The following TMEM132B variants were observed in gnomAD, a reference collection of about 807,000 sequenced individuals.
The protein encoded by TMEM132B is transmembrane protein 132B.
TMEM132B carries 18 observed loss-of-function variants against 90.8 expected under a neutral mutation model. The ratio of observed to expected loss-of-function variants is 0.20; its 90% CI spans 0.14 to 0.29. TMEM132B has a LOEUF of 0.29. Ranked by LOEUF, TMEM132B falls within the 10% of genes least tolerant of loss-of-function variation. The pLI, the probability that TMEM132B is intolerant of heterozygous loss-of-function variation, is 1.00. For synonymous variants in TMEM132B, 504 were observed against 523.3 expected, an observed-to-expected ratio of 0.96 and a Z score of 0.50; for missense variants, 1,096 against 1,326.8, an observed-to-expected ratio of 0.83 and a Z score of 2.70.
chr12:125,219,553 C>T (rs541536986), intron 1 of TMEM132B, among the ~76,000 whole-genome samples: 22 of 152,252 alleles, frequency 1.4e-4, no homozygotes, highest in African/African-American at 4.3e-4. Flanking sequence ...CTCTTCACAC[C>T]TCTGTTGTGT....
At chr12:125,363,423 T>C (rs927793198) in intron 2 of TMEM132B, among the ~76,000 whole-genome samples, 1 of 152,156 alleles carries the variant, frequency 6.6e-6, no homozygotes, top group African/African-American at 2.4e-5. Context: ...TTGCATGATG[T>C]TTCCCAGGCT....
intron 2 of TMEM132B, among the ~76,000 whole-genome samples, chr12:125,361,697 A>G (rs1453626274): frequency 6.6e-6 from 1 of 152,200 alleles, no homozygotes; most frequent in East Asian, 1.9e-4. Flanking sequence ...AGCTGACACT[A>G]GTTCCAAATG....
At chr12:125,643,236 C>T (rs1299997788) in intron 5 of TMEM132B, among the ~76,000 whole-genome samples, 1 of 152,202 alleles carries the variant, frequency 6.6e-6, no homozygotes, top group African/African-American at 2.4e-5. Flanking sequence ...AGGCTTGACA[C>T]TGCCCCTCAG....
At chr12:125,389,268 CATGAAGAA>C (rs1434362447) in intron 2 of TMEM132B, among the ~76,000 whole-genome samples, 1 of 152,048 alleles carries the variant, frequency 6.6e-6, no homozygotes, top group Non-Finnish European at 1.5e-5. Context: ...CATAATGGGA[CATGAAGAA>C]TATTTTAGAT....
intron 1 of TMEM132B, among the ~76,000 whole-genome samples, chr12:125,201,059 A>G (rs1411904492): frequency 6.8e-6 from 1 of 147,008 alleles, no homozygotes; most frequent in African/African-American, 2.4e-5. Context: ...TTTATGATGG[A>G]AATTTTATTT....
intron 1 of TMEM132B, among the ~76,000 whole-genome samples, chr12:125,292,289 G>A (rs1337482211): frequency 6.6e-6 from 1 of 152,062 alleles, no homozygotes; most frequent in African/African-American, 2.4e-5. Context: ...TTTTAAAATT[G>A]CAGTGACAGA....
intron 5 of TMEM132B, among the ~76,000 whole-genome samples, chr12:125,612,452 G>A (rs369057146): frequency 2.0e-5 from 3 of 151,042 alleles, no homozygotes; most frequent in Admixed American, 1.3e-4. Flanking sequence ...GCACCAGAGC[G>A]AGACTCCATA....
chr12:125,621,683 T>A (rs764667135), intron 5 of TMEM132B, among the ~76,000 whole-genome samples: 3 of 152,164 alleles, frequency 2.0e-5, no homozygotes, highest in Non-Finnish European at 2.9e-5. Context: ...TGATTTGCAT[T>A]GGCCAGCAAG....
intron 5 of TMEM132B, among the ~76,000 whole-genome samples, chr12:125,607,709 T>C (rs1050360399): frequency 6.6e-6 from 1 of 152,170 alleles, no homozygotes; most frequent in Non-Finnish European, 1.5e-5. Flanking sequence ...TTTAAGAATA[T>C]TTTCATCACC....
At position 125,235,663 on chromosome 12, in the gene TMEM132B, T is replaced by C. The variant is rs4255586; in HGVS notation, c.67+48797T>C. Among the ~76,000 whole-genome samples, 297 of 152,208 alleles carry C rather than the reference T, an allele frequency of 2.0e-3. No individual in the cohort carries two copies. In the Middle Eastern group the frequency reaches 0.02, roughly 10 times the overall value. On this transcript the variant is annotated intron_variant, in intron 1 of 8. Coordinates refer to ENST00000682704, the MANE Select transcript of TMEM132B (RefSeq NM_001366854.1). ...CCAGCAATCACTGATCCGCTCTCTG[T>C]CTTTATGGATTGGCCAAGTTTGGGT...
intron 1 of TMEM132B, among the ~76,000 whole-genome samples, chr12:125,245,428 T>C (rs1264391551): frequency 8.0e-6 from 1 of 125,764 alleles, no homozygotes; most frequent in Non-Finnish European, 1.6e-5. Flanking sequence ...AGGTAAGAAC[T>C]GTTGGGATCA....
intron 4 of TMEM132B, among the ~76,000 whole-genome samples, chr12:125,579,244 G>C (rs1480630251): frequency 6.6e-6 from 1 of 151,930 alleles, no homozygotes; most frequent in South Asian, 2.1e-4. Flanking sequence ...AGCCCCATGA[G>C]TGAATTTTCC....
chr12:125,456,981 A>T (rs942025024), intron 3 of TMEM132B, among the ~76,000 whole-genome samples: 12 of 152,138 alleles, frequency 7.9e-5, no homozygotes, highest in Non-Finnish European at 1.5e-4. Flanking sequence ...GGAGACACAC[A>T]TGCTGCCCAA....
At chr12:125,326,595 C>G in intron 1 of TMEM132B, 1 of 1,597,694 alleles carries the variant, frequency 6.3e-7, no homozygotes, top group Non-Finnish European at 8.5e-7. Flanking sequence ...GATTTGGTGC[C>G]CTCGCCTCAG....
At position 125,498,342 on chromosome 12, in the gene TMEM132B, T is replaced by A. The variant is rs1367569541; in HGVS notation, c.1107-21097T>A. ...GCACTGAATATGTGCAATAAATCAC[T>A]GTGTGTATGTGGATGGTGGGTGAGG... On this transcript the variant is annotated intron_variant, in intron 3 of 8. Transcript: ENST00000682704. This position sits in a 1 kb window ranked among gnomAD's most constrained non-coding sequence, Gnocchi z 4.5. Among the ~76,000 whole-genome samples the A allele has an allele frequency of 6.6e-6, 1 of 152,240 alleles. No individual in the cohort carries two copies. Among genetic ancestry groups the A allele is most frequent in the Non-Finnish European group, 1.5e-5 (1 of 68,048 alleles).
intron 1 of TMEM132B, among the ~76,000 whole-genome samples, chr12:125,307,840 T>TGC (rs1876027617): frequency 2.7e-5 from 1 of 36,640 alleles, no homozygotes; most frequent in Non-Finnish European, 5.5e-5. Flanking sequence ...ATACTTATAT[T>TGC]AATATATACT....
intron 2 of TMEM132B, among the ~76,000 whole-genome samples, chr12:125,391,691 G>A (rs1459523312): frequency 6.6e-6 from 1 of 152,126 alleles, no homozygotes; most frequent in Non-Finnish European, 1.5e-5. Context: ...AACCCCACAA[G>A]TATATCTCCT....
intron 5 of TMEM132B, chr12:125,585,067 G>A (rs1209057857): frequency 6.6e-6 from 1 of 152,118 alleles, no homozygotes; most frequent in Non-Finnish European, 1.5e-5. Context: ...GGTCTGGGAG[G>A]GGTTGATTTC....
At chr12:125,467,493 C>A (rs1881596751) in intron 3 of TMEM132B, among the ~76,000 whole-genome samples, 1 of 152,028 alleles carries the variant, frequency 6.6e-6, no homozygotes, top group African/African-American at 2.4e-5. Context: ...TGAACCATTC[C>A]TGTGGGCAGA....
Sources: allele counts gnomAD v4.1 joint callset (sites outside exome capture counted in the v4.1 genomes callset), GRCh38; gene constraint gnomAD v4.1.1; non-coding constraint Gnocchi (gnomAD v3.1); transcripts MANE v1.5; gene names NCBI Gene and HGNC (gene_info 2026-07-23, HGNC 2026-07-21).